Variants in SKAP1 observed in about 807,000 individuals in gnomAD.
The protein encoded by SKAP1 is src kinase associated phosphoprotein 1.
In SKAP1, 44 loss-of-function variants were observed where a neutral mutation model predicts 58.5. That is an observed-to-expected ratio of 0.75 (90% CI 0.59 to 0.97). The LOEUF is 0.97. SKAP1 is among the 50% of genes least tolerant of loss of function. The probability of loss-of-function intolerance (pLI) is 0.00; values close to 1 mark genes in which losing one functional copy is unlikely to be tolerated. For missense variants in SKAP1, 390 were observed against 435.2 expected (o/e 0.90, Z 0.92); for synonymous variants, 127 against 149.7 (o/e 0.85, Z 1.11).
intron 4 of SKAP1, among the ~76,000 whole-genome samples, chr17:48,341,278 A>G (rs1463512179): frequency 1.3e-5 from 2 of 152,236 alleles, no homozygotes; most frequent in Non-Finnish European, 2.9e-5. Context: ...AACTCTGGCT[A>G]CAATAATTTA....
At chr17:48,169,897 C>T (rs1444108507) in intron 10 of SKAP1, among the ~76,000 whole-genome samples, 2 of 152,106 alleles carry the variant, frequency 1.3e-5, no homozygotes, top group Admixed American at 6.5e-5. Flanking sequence ...AGGGCTCTGC[C>T]GACGGAACGA....
intron 1 of SKAP1, among the ~76,000 whole-genome samples, chr17:48,422,409 C>T (rs968130393): frequency 6.6e-6 from 1 of 152,138 alleles, no homozygotes; most frequent in Non-Finnish European, 1.5e-5. Context: ...GTGTTTAGTA[C>T]ATACCAGATA....
chr17:48,320,187 A>G (rs576710701), intron 4 of SKAP1, among the ~76,000 whole-genome samples: 2 of 152,316 alleles, frequency 1.3e-5, no homozygotes, highest in East Asian at 3.9e-4. Context: ...TGAACCACAA[A>G]TAACAGAGTA....
At chr17:48,434,977 A>G (rs556952793), upstream of SKAP1, among the ~76,000 whole-genome samples, 1 of 152,248 alleles carries the variant, frequency 6.6e-6, no homozygotes, top group African/African-American at 2.4e-5. Context: ...CCCTGTCTCT[A>G]CAAAAAATTC....
intron 11 of SKAP1, among the ~76,000 whole-genome samples, chr17:48,160,206 GGCA>G (rs2064048116): frequency 6.6e-6 from 1 of 152,228 alleles, no homozygotes; most frequent in African/African-American, 2.4e-5. Flanking sequence ...CAAAAATCAT[GGCA>G]GCCTTGAACT....
At chr17:48,441,896 C>A in the SKAP1 span, among the ~76,000 whole-genome samples, 1 of 152,118 alleles carries the variant, frequency 6.6e-6, no homozygotes, top group African/African-American at 2.4e-5. Flanking sequence ...GTCTAACATG[C>A]CAGAACTCCA....
In SKAP1 at chr17:48,136,232, C is replaced by G. The variant is rs559301274; in HGVS notation, c.*7+997G>C. 9.7e-4 allele frequency among the ~76,000 whole-genome samples: 147 copies of G among 150,904 alleles called. 1 individual carries two copies. Among genetic ancestry groups the G allele is most frequent in the African/African-American group, 2.9e-3 (117 of 41,024 alleles). Reference sequence around the variant, plus strand: ...TGTTGCCCAGGCTGGAGTGCAATGGCGTGATCTTGGCTCACTGCAACCTAT... The same window carrying G: ...TGTTGCCCAGGCTGGAGTGCAATGGGGTGATCTTGGCTCACTGCAACCTAT... On this transcript the variant is annotated intron_variant, in intron 12 of 12. Transcript: ENST00000336915.
At chr17:48,335,903 T>C (rs2066561835) in intron 4 of SKAP1, among the ~76,000 whole-genome samples, 1 of 152,180 alleles carries the variant, frequency 6.6e-6, no homozygotes, top group Non-Finnish European at 1.5e-5. Context: ...AGAACAGGAA[T>C]TTCTCATATC....
In SKAP1 at chr17:48,429,958, T is replaced by C. The variant is rs2067897205; in HGVS notation, c.46+117A>G. ...AGGGAGTTGAGGGCTCTAGAAGCCT[T>C]AAGGTTCTAGAAGGAGGTGAGTGAC... On this transcript the variant is annotated intron_variant, in intron 1 of 12. Transcript: ENST00000336915. 4.3e-5 allele frequency: 38 copies of C among 875,192 alleles called. No individual in the cohort carries two copies. In the East Asian group the frequency reaches 1.3e-3, roughly 29 times the overall value. The allele number at this position is 875,192 out of a possible 1,614,324, so 54.2% of individuals were successfully genotyped here.
intron 4 of SKAP1, among the ~76,000 whole-genome samples, chr17:48,224,115 A>C (rs969386324): frequency 8.6e-6 from 1 of 116,156 alleles, no homozygotes; most frequent in African/African-American, 2.9e-5. Flanking sequence ...AGGAGGAGGA[A>C]CTTTCCAGAA....
the SKAP1 span, among the ~76,000 whole-genome samples, chr17:48,444,397 C>A: frequency 6.6e-6 from 1 of 152,172 alleles, no homozygotes; most frequent in Admixed American, 6.5e-5. Flanking sequence ...CTCAAAAAAA[C>A]CCACAAACAC....
At chr17:48,358,073 C>T (rs1262311814) in intron 3 of SKAP1, among the ~76,000 whole-genome samples, 2 of 152,114 alleles carry the variant, frequency 1.3e-5, no homozygotes, top group Non-Finnish European at 2.9e-5. Context: ...AGTCTAGGTT[C>T]AAAACCAGTG....
At chr17:48,361,353 G>A (rs1017175365) in intron 3 of SKAP1, among the ~76,000 whole-genome samples, 1 of 151,802 alleles carries the variant, frequency 6.6e-6, no homozygotes, top group Admixed American at 6.6e-5. Flanking sequence ...CTACAGGCAT[G>A]CACCACCACT....
At chr17:48,371,810 C>G (rs2144433325) in intron 2 of SKAP1, among the ~76,000 whole-genome samples, 1 of 149,102 alleles carries the variant, frequency 6.7e-6, no homozygotes, top group South Asian at 2.1e-4. Flanking sequence ...GCACTCCAGC[C>G]TGGGTAACAC....
chr17:48,345,825 A>C (rs1380323859), intron 4 of SKAP1, 80 bp downstream of exon 4: 4 of 993,898 alleles, frequency 4.0e-6, no homozygotes, highest in Non-Finnish European at 6.3e-6. Flanking sequence ...CTAGATACAA[A>C]AATGACAAAA....
At chr17:48,241,562 C>T (rs2065243947) in intron 4 of SKAP1, among the ~76,000 whole-genome samples, 1 of 152,040 alleles carries the variant, frequency 6.6e-6, no homozygotes, top group Admixed American at 6.6e-5. Context: ...AAAGCAGACC[C>T]AGATGCCTCA....
chr17:48,429,060 T>C lies in SKAP1; in HGVS notation c.46+1015A>G, dbSNP rs139653342. 6.3e-4 allele frequency among the ~76,000 whole-genome samples: 96 copies of C among 152,058 alleles called. 1 individual carries two copies. The South Asian group carries it at 9.8e-3, about 16-fold the overall frequency. On this transcript the variant is annotated intron_variant, in intron 1 of 12. Transcript: ENST00000336915. ...CAAGGTAATGGAGATATAAAACCAA[T>C]TAAATTGAGAGAAACTGAAAAAAAA...
At chr17:48,320,877 AG>A (rs1273025171) in intron 4 of SKAP1, among the ~76,000 whole-genome samples, 1 of 152,330 alleles carries the variant, frequency 6.6e-6, no homozygotes, top group East Asian at 1.9e-4. Flanking sequence ...ATGCTGGGCA[AG>A]GAGCAGCAGA....
intron 3 of SKAP1, among the ~76,000 whole-genome samples, chr17:48,356,795 A>G (rs888295060): frequency 1.3e-5 from 2 of 152,212 alleles, no homozygotes; most frequent in African/African-American, 4.8e-5. Flanking sequence ...TTTCATTCAT[A>G]TCAGTATCCC....
Sources: allele counts gnomAD v4.1 joint callset (sites outside exome capture counted in the v4.1 genomes callset), GRCh38; gene constraint gnomAD v4.1.1; transcripts MANE v1.5; gene names NCBI Gene and HGNC (gene_info 2026-07-23, HGNC 2026-07-21).